Variants in COL4A5 observed in about 807,000 individuals in gnomAD.
The protein encoded by COL4A5 is collagen alpha-5(IV) chain.
A neutral mutation model predicts 130.2 loss-of-function variants in COL4A5; 26 were observed. The observed-to-expected ratio is 0.20, with a 90% CI of 0.15 to 0.28. The LOEUF is 0.28. Among genes scored for constraint, COL4A5 ranks in the 10% least tolerant of loss-of-function variants. The pLI is 1.00. For missense variants in COL4A5, 1,131 were observed against 1,344.3 expected (o/e 0.84, Z 2.48); for synonymous variants, 496 against 439.6 (o/e 1.13, Z -1.60).
intron 1 of COL4A5, among the ~76,000 whole-genome samples, chrX:108,515,910 A>G (rs2065216495): frequency 9.0e-6 from 1 of 111,400 alleles, no homozygotes; most frequent in Admixed American, 9.6e-5. Flanking sequence ...CCAGAACTGT[A>G]GCATTCCTTG....
In COL4A5 at chrX:108,696,790, C is replaced by T. The variant is rs756432328; in HGVS notation, c.*412C>T. 4.2e-5 allele frequency: 5 copies of T among 119,833 alleles called. No individual in the cohort carries two copies. The highest frequency in any genetic ancestry group is 8.7e-5 in the Admixed American group (1 of 11,504). The allele number at this position is 119,833 out of a possible 1,213,427, so 9.9% of individuals were successfully genotyped here. The stretch of plus-strand genomic sequence containing the variant: ...CGGTGCTACTAATCCTGCTGTATCC[C>T]GGGTTTTTAATATAAAGGTGTTAAG... On this transcript the variant is annotated 3_prime_UTR_variant, in exon 53 of 53. Coordinates refer to ENST00000328300, the MANE Select transcript of COL4A5 (RefSeq NM_033380.3).
At chrX:108,685,187 C>T (rs751729049) in intron 47 of COL4A5, among the ~76,000 whole-genome samples, 22 of 111,861 alleles carry the variant, frequency 2.0e-4, no homozygotes, top group Non-Finnish European at 1.3e-4. Flanking sequence ...CCTTTGAAAA[C>T]GGCACAAGAC....
chrX:108,576,743 A>G (rs1344670246), intron 10 of COL4A5, among the ~76,000 whole-genome samples: 1 of 112,028 alleles, frequency 8.9e-6, no homozygotes, highest in Non-Finnish European at 1.9e-5. Context: ...TTTGTTTGTG[A>G]CAATTGGTCC....
At position 108,620,278 on chromosome X, in the gene COL4A5, A is replaced by C. The variant is rs765515477; in HGVS notation, c.2529A>C (p.Gly843=). 2.5e-6 allele frequency: 3 copies of C among 1,208,335 alleles called. No homozygotes were observed. In the South Asian group the frequency reaches 5.3e-5, roughly 21 times the overall value. ...IGQPGLHGIP[G]EKGDPGPPGL... is the part of the protein sequence containing the mutation. Reference sequence around the variant, plus strand: ...AACTAGGTTTACATGGAATACCAGGAGAGAAGGGGGATCCAGGACCTCCTG... The same window carrying C: ...AACTAGGTTTACATGGAATACCAGGCGAGAAGGGGGATCCAGGACCTCCTG... The change falls in exon 31 of 53, where the codon GGA becomes GGC. Residue 843 remains glycine, a synonymous_variant. Transcript: ENST00000328300.
intron 22 of COL4A5, among the ~76,000 whole-genome samples, chrX:108,596,756 C>T: frequency 8.9e-6 from 1 of 111,995 alleles, no homozygotes; most frequent in Admixed American, 9.5e-5. Context: ...TTGAAAGTTT[C>T]TTAGGATACA....
intron 38 of COL4A5, among the ~76,000 whole-genome samples, chrX:108,666,267 C>T (rs1259432253): frequency 1.8e-5 from 2 of 111,728 alleles, no homozygotes; most frequent in Admixed American, 9.5e-5. Flanking sequence ...GCACCTTACT[C>T]TCTTAGATAT....
chrX:108,612,870 T>C (rs1053981115), intron 29 of COL4A5, among the ~76,000 whole-genome samples: 24 of 111,973 alleles, frequency 2.1e-4, no homozygotes, highest in South Asian at 3.6e-4. Context: ...AGACTTAAAA[T>C]AAAGCTACAA....
At chrX:108,476,533 T>G (rs2064834942) in intron 1 of COL4A5, among the ~76,000 whole-genome samples, 1 of 101,845 alleles carries the variant, frequency 9.8e-6, no homozygotes, top group Non-Finnish European at 2.0e-5. Context: ...TTTTTTTTTT[T>G]TTTTTTTTTT....
chrX:108,549,469 G>A (rs770624851), intron 2 of COL4A5, among the ~76,000 whole-genome samples: 4 of 111,471 alleles, frequency 3.6e-5, no homozygotes, highest in African/African-American at 1.3e-4. Flanking sequence ...CTACTATTTG[G>A]AATTTAGAAA....
At chrX:108,536,137 G>A (rs761237491) in intron 1 of COL4A5, among the ~76,000 whole-genome samples, 1 of 111,057 alleles carries the variant, frequency 9.0e-6, no homozygotes, top group Non-Finnish European at 1.9e-5. Context: ...TCTAATATCT[G>A]CTGTTTTAAT....
intron 1 of COL4A5, among the ~76,000 whole-genome samples, chrX:108,538,219 G>A (rs747567791): frequency 7.7e-4 from 86 of 112,091 alleles, no homozygotes; most frequent in African/African-American, 2.7e-3. Flanking sequence ...CTGTCCTCTA[G>A]TAATATTCAA....
intron 29 of COL4A5, among the ~76,000 whole-genome samples, chrX:108,608,369 C>A (rs1177075990): frequency 9.0e-6 from 1 of 111,176 alleles, no homozygotes; most frequent in Non-Finnish European, 1.9e-5. Context: ...CTACAATGAA[C>A]CTTTTATCTC....
chrX:108,476,886 A>G (rs1378996351), intron 1 of COL4A5, among the ~76,000 whole-genome samples: 2 of 111,765 alleles, frequency 1.8e-5, no homozygotes, highest in Non-Finnish European at 3.8e-5. Flanking sequence ...CGCTACAACC[A>G]ACATGGGAGT....
At chrX:108,535,852 AT>A (rs773357022) in intron 1 of COL4A5, among the ~76,000 whole-genome samples, 13 of 106,503 alleles carry the variant, frequency 1.2e-4, no homozygotes, top group South Asian at 7.9e-4. Flanking sequence ...TTTTCCAAGC[AT>A]TTTTTTTTTA....
At chrX:108,670,846 C>T (rs765631438) in intron 42 of COL4A5, among the ~76,000 whole-genome samples, 1 of 110,698 alleles carries the variant, frequency 9.0e-6, no homozygotes, top group Admixed American at 9.6e-5. Context: ...GTTCAAGACT[C>T]GCCTGACCAA....
chrX:108,695,705 C>T (rs2068722563), intron 52 of COL4A5: 1 of 337,540 alleles, frequency 3.0e-6, no homozygotes, highest in Non-Finnish European at 5.3e-6. Flanking sequence ...TGTGACCTTC[C>T]TAATAAGTCA....
Position 108,666,546 on chromosome X carries a change from C to T in COL4A5, c.3505C>T (p.Pro1169Ser). The change falls in exon 39 of 53, where the codon CCC (proline) becomes TCC (serine). Residue 1169 changes from proline to serine, a missense_variant. By Grantham distance (74) the Pro-to-Ser change is moderately conservative. Transcript: ENST00000328300. ...QPGPPGEKGK[P>S]GQDGIPGPAG... ...AGGGCCTCCAGGCGAAAAAGGCAAA[C>T]CCGGTCAAGATGGTATTCCTGGACC... The T allele has an allele frequency of 8.3e-7, 1 of 1,209,133 alleles. No homozygotes were observed. Among genetic ancestry groups the T allele is most frequent in the Non-Finnish European group, 1.1e-6 (1 of 894,097 alleles).
chrX:108,656,094 A>G (rs2067836264), intron 37 of COL4A5, among the ~76,000 whole-genome samples: 1 of 111,995 alleles, frequency 8.9e-6, no homozygotes, highest in South Asian at 3.7e-4. Context: ...AAGTACATAT[A>G]TGTCTTTGAA....
At chrX:108,498,759 A>G (rs1184308400) in intron 1 of COL4A5, among the ~76,000 whole-genome samples, 1 of 111,586 alleles carries the variant, frequency 9.0e-6, no homozygotes, top group Non-Finnish European at 1.9e-5. Flanking sequence ...TAAGTAATTT[A>G]TGACTTTGGA....
Sources: allele counts gnomAD v4.1 joint callset (sites outside exome capture counted in the v4.1 genomes callset), GRCh38; gene constraint gnomAD v4.1.1; transcripts MANE v1.5; gene names NCBI Gene and HGNC (gene_info 2026-07-23, HGNC 2026-07-21).